PIEZO2: variants seen among roughly 807,000 people sequenced by gnomAD.
PIEZO2 encodes piezo-type mechanosensitive ion channel component 2.
Under a neutral mutation model 337.3 loss-of-function variants are expected in PIEZO2, and 172 were observed. The ratio of observed to expected loss-of-function variants is 0.51; its 90% CI spans 0.45 to 0.58. The LOEUF (loss-of-function observed/expected upper bound fraction) is 0.58, where lower values mean the gene tolerates loss of function less well. Ranked by LOEUF, PIEZO2 falls within the 20% of genes least tolerant of loss-of-function variation. PIEZO2 has a pLI of 0.00. For synonymous variants in PIEZO2, 1,251 were observed against 1,228.5 expected (o/e 1.02, Z -0.38); for missense variants, 3,028 against 3,391.3 (o/e 0.89, Z 2.66).
In PIEZO2 at chr18:11,143,639, A is replaced by ACTCTCT. The variant is rs1243372461; in HGVS notation, c.64+4880_64+4885dup. 1.3e-4 allele frequency among the ~76,000 whole-genome samples: 12 copies of ACTCTCT among 92,838 alleles called. No homozygotes were observed. Among genetic ancestry groups the ACTCTCT allele is most frequent in the African/African-American group, 4.3e-4 (8 of 18,800 alleles). 60.9% of individuals were successfully genotyped at this position (92,838 alleles called of 152,430 possible). A position where few individuals can be genotyped will look rare whatever the true frequency, so the allele number is the denominator to read the frequency against. Reference sequence around the variant, plus strand: ...CACACACACACACACACACACACACACTCTCTCTCTCTCTCTCTCTCTCTC... The same window carrying ACTCTCT: ...CACACACACACACACACACACACACACTCTCTCTCTCTCTCTCTCTCTCTCTCTCTC... On this transcript the variant is annotated intron_variant, in intron 1 of 55. Transcript: ENST00000674853. This position sits in a 1 kb window ranked among gnomAD's most constrained non-coding sequence, Gnocchi z 4.9.
rs183850416 is a variant in PIEZO2, at chr18:10,712,019, T to A, written c.5423+2745A>T. 1.5e-3 allele frequency among the ~76,000 whole-genome samples: 235 copies of A among 152,328 alleles called. 1 individual carries two copies. Among genetic ancestry groups the A allele is most frequent in the Non-Finnish European group, 2.5e-3 (172 of 68,038 alleles). On this transcript the variant is annotated intron_variant, in intron 39 of 55. Transcript: ENST00000674853. The stretch of plus-strand genomic sequence containing the variant: ...AATAAAAGAAACATCATTTGGGACA[T>A]TTACGTGTAGAGAATCTCAGCATTT...
At chr18:10,865,612 G>A (rs1311049043) in intron 5 of PIEZO2, among the ~76,000 whole-genome samples, 1 of 152,206 alleles carries the variant, frequency 6.6e-6, no homozygotes, top group Non-Finnish European at 1.5e-5. Context: ...GGAAGAAGGA[G>A]TGGAGGTAGG....
chr18:10,800,303 G>A (rs2144264846), intron 11 of PIEZO2, 34 bp downstream of exon 11: 1 of 1,507,480 alleles, frequency 6.6e-7, no homozygotes, highest in South Asian at 1.3e-5. Context: ...AAATGAGGAA[G>A]AAATGCGACC....
rs1393120667 is a variant in PIEZO2 at position 10,952,885 on chromosome 18, T to TCC, written c.286+26649_286+26650insGG. On this transcript the variant is annotated intron_variant, in intron 3 of 55. Transcript: ENST00000674853. The surrounding 1 kb of genome is among the most constrained non-coding windows in gnomAD (Gnocchi z 4.1). ...GCCTTCCCTTCCTTCCTTCCTTCCT[T>TCC]TCATCCCTCCCTCCATCCCTCCCTC... Among the ~76,000 whole-genome samples, 17 of 51,308 alleles carry TCC rather than the reference T, an allele frequency of 3.3e-4. No homozygotes were observed. Among genetic ancestry groups the TCC allele is most frequent in the African/African-American group, 7.6e-4 (16 of 20,946 alleles). 33.7% of individuals were successfully genotyped at this position (51,308 alleles called of 152,430 possible).
intron 2 of PIEZO2, among the ~76,000 whole-genome samples, chr18:11,056,689 C>T (rs576381614): frequency 3.9e-5 from 6 of 152,088 alleles, no homozygotes; most frequent in Non-Finnish European, 8.8e-5. Context: ...AGCTCAAGAA[C>T]GAGGGCCATC....
At chr18:10,939,415 G>A (rs898709440) in intron 3 of PIEZO2, among the ~76,000 whole-genome samples, 1 of 147,710 alleles carries the variant, frequency 6.8e-6, no homozygotes, top group Non-Finnish European at 1.5e-5. Context: ...TCCCATTACT[G>A]GGTATATACC....
intron 14 of PIEZO2, among the ~76,000 whole-genome samples, chr18:10,790,539 G>GTATA (rs2039372701): frequency 6.6e-6 from 1 of 152,074 alleles, no homozygotes; most frequent in African/African-American, 2.4e-5. Flanking sequence ...TTACATTGTG[G>GTATA]TATACTATTG....
rs1267280257 is a variant in PIEZO2, at chr18:10,943,800, G to A, written c.287-32572C>T. Among the ~76,000 whole-genome samples, 1 of 152,118 alleles carries A rather than the reference G, an allele frequency of 6.6e-6. No individual in the cohort carries two copies. Among genetic ancestry groups the A allele is most frequent in the African/African-American group, 2.4e-5 (1 of 41,440 alleles). ...TCTGTGTCTCCATACAGAGATATGTGAGAGTTGCAGAAGGGACCCGGTGGG... is the reference window on the plus strand; with the variant it reads ...TCTGTGTCTCCATACAGAGATATGTAAGAGTTGCAGAAGGGACCCGGTGGG... On this transcript the variant is annotated intron_variant, in intron 3 of 55. Transcript: ENST00000674853. The surrounding 1 kb of genome is among the most constrained non-coding windows in gnomAD (Gnocchi z 4.5).
intron 7 of PIEZO2, among the ~76,000 whole-genome samples, chr18:10,845,703 C>T (rs1033555665): frequency 6.6e-6 from 1 of 152,236 alleles, no homozygotes; most frequent in African/African-American, 2.4e-5. Context: ...CAGTGTCTCT[C>T]AACAATGAAA....
chr18:10,725,535 G>GC, intron 36 of PIEZO2: 1 of 1,391,824 alleles, frequency 7.2e-7, no homozygotes, highest in South Asian at 1.4e-5. Flanking sequence ...GGAAGGAGGG[G>GC]CCCCACTAAC....
intron 4 of PIEZO2, among the ~76,000 whole-genome samples, chr18:10,902,051 T>C (rs1453743697): frequency 6.6e-6 from 1 of 152,190 alleles, no homozygotes; most frequent in Admixed American, 6.5e-5. Flanking sequence ...CAGCTCCACC[T>C]CCTGTCAGAT....
chr18:10,684,367 A>G (rs1021617215), intron 49 of PIEZO2, among the ~76,000 whole-genome samples: 12 of 149,954 alleles, frequency 8.0e-5, no homozygotes, highest in African/African-American at 2.0e-4. Flanking sequence ...GGGTTTCACC[A>G]TGTTAGCCAG....
chr18:10,722,073 C>A (rs1204012243), intron 36 of PIEZO2, among the ~76,000 whole-genome samples: 1 of 150,756 alleles, frequency 6.6e-6, no homozygotes, highest in African/African-American at 2.4e-5. Flanking sequence ...ATTGCTTGAA[C>A]TCGGGAGACG....
intron 28 of PIEZO2, among the ~76,000 whole-genome samples, chr18:10,751,572 C>T (rs2037646238): frequency 7.0e-6 from 1 of 143,364 alleles, no homozygotes; most frequent in Non-Finnish European, 1.5e-5. Flanking sequence ...ATAAACTTGG[C>T]TTTCCAAGAC....
chr18:11,073,283 G>A (rs1261578036), intron 1 of PIEZO2, among the ~76,000 whole-genome samples: 1 of 152,206 alleles, frequency 6.6e-6, no homozygotes, highest in African/African-American at 2.4e-5. Flanking sequence ...CTTCTTGAGT[G>A]TGGGCTGTAG....
rs1397859277 is a variant in PIEZO2 at position 10,815,891 on chromosome 18, C to A, written c.918-8617G>T. Among the ~76,000 whole-genome samples the A allele has an allele frequency of 6.6e-6, 1 of 152,214 alleles. No homozygotes were observed. Among genetic ancestry groups the A allele is most frequent in the Non-Finnish European group, 1.5e-5 (1 of 68,042 alleles). On this transcript the variant is annotated intron_variant, in intron 7 of 55. Coordinates refer to ENST00000674853, the MANE Select transcript of PIEZO2 (RefSeq NM_001378183.1). The surrounding 1 kb of genome is among the most constrained non-coding windows in gnomAD (Gnocchi z 4.1). ...CTAGGTGATGCTTGGTCCTCTCTTACAGTTCAGTTATTCGCTCCTTACAGG... is the reference window on the plus strand; with the variant it reads ...CTAGGTGATGCTTGGTCCTCTCTTAAAGTTCAGTTATTCGCTCCTTACAGG...
In PIEZO2 at chr18:10,759,985, T is replaced by G. The variant is rs1008546568; in HGVS notation, c.3451-76A>C. The G allele has an allele frequency of 1.5e-6, 2 of 1,335,592 alleles. No individual in the cohort carries two copies. The highest frequency in any genetic ancestry group is 2.9e-5 in the African/African-American group (2 of 68,930). The allele number at this position is 1,335,592 out of a possible 1,614,324, so 82.7% of individuals were successfully genotyped here. A position where few individuals can be genotyped will look rare whatever the true frequency, so the allele number is the denominator to read the frequency against. On this transcript the variant is annotated intron_variant, in intron 24 of 55. Transcript: ENST00000674853. The surrounding 1 kb of genome is among the most constrained non-coding windows in gnomAD (Gnocchi z 5.5). The stretch of plus-strand genomic sequence containing the variant: ...GGGGACTGGTGATAGGTGTCAGGTC[T>G]GTGTAGATGGCGGAGACCCATGTCC...
Position 11,035,314 on chromosome 18 carries a change from CCTCTCTCTCT to C in PIEZO2, c.160+30803_160+30812del, listed in dbSNP as rs113371336. 4.7e-5 allele frequency among the ~76,000 whole-genome samples: 7 copies of C among 149,674 alleles called. No homozygotes were observed. Among genetic ancestry groups the C allele is most frequent in the African/African-American group, 1.7e-4 (7 of 40,790 alleles). On this transcript the variant is annotated intron_variant, in intron 2 of 55. Transcript: ENST00000674853. The surrounding 1 kb of genome is among the most constrained non-coding windows in gnomAD (Gnocchi z 4.3). ...AAGCCTGGCACCTTCTCTCTCTCTC[CCTCTCTCTCT>C]CTCTCTCTCTTTCTCTCTCTCTCAT...
rs2040144841 is a variant in PIEZO2, at chr18:11,125,053, T to A, written c.64+23472A>T. 6.6e-6 allele frequency among the ~76,000 whole-genome samples: 1 copy of A among 152,182 alleles called. No individual in the cohort carries two copies. Among genetic ancestry groups the A allele is most frequent in the Admixed American group, 6.5e-5 (1 of 15,276 alleles). ...TAGATAATTTTTCTGAGTTTCTATT[T>A]TCTCATGTAAAACCTTTCCTCCTTT... is the stretch of plus-strand genomic sequence containing the variant. On this transcript the variant is annotated intron_variant, in intron 1 of 55. Coordinates refer to ENST00000674853, the MANE Select transcript of PIEZO2 (RefSeq NM_001378183.1). This position sits in a 1 kb window ranked among gnomAD's most constrained non-coding sequence, Gnocchi z 4.4.
Sources: allele counts gnomAD v4.1 joint callset (sites outside exome capture counted in the v4.1 genomes callset), GRCh38; gene constraint gnomAD v4.1.1; non-coding constraint Gnocchi (gnomAD v3.1); transcripts MANE v1.5; gene names NCBI Gene and HGNC (gene_info 2026-07-23, HGNC 2026-07-21).